Variants in PRKG1 observed in about 807,000 individuals in gnomAD.
The protein encoded by PRKG1 is protein kinase cGMP-dependent 1, also known as cGMP-dependent protein kinase 1.
PRKG1 carries 35 observed loss-of-function variants against 88.1 expected under a neutral mutation model. The ratio of observed to expected loss-of-function variants is 0.40; its 90% confidence interval spans 0.30 to 0.53. PRKG1 has a LOEUF of 0.53. Ranked by LOEUF, PRKG1 falls within the 20% of genes least tolerant of loss-of-function variation. The pLI, the probability that PRKG1 is intolerant of heterozygous loss-of-function variation, is 0.59. For missense variants in PRKG1, 540 were observed against 839.8 expected, an observed-to-expected ratio of 0.64 and a Z score of 4.41; for synonymous variants, 303 against 292.5, an observed-to-expected ratio of 1.04 and a Z score of -0.37.
intron 5 of PRKG1, among the ~76,000 whole-genome samples, chr10:52,030,069 C>G (rs1012941762): frequency 3.3e-5 from 5 of 152,106 alleles, no homozygotes; most frequent in African/African-American, 1.2e-4. Context: ...TGTTTAAATC[C>G]CATCAGAGGC....
At chr10:51,907,430 G>A in intron 4 of PRKG1, 77 bp from the exon 5 acceptor site, 1 of 1,140,922 alleles carries the variant, frequency 8.8e-7, no homozygotes, top group Admixed American at 2.3e-5. Flanking sequence ...ATTTTAATTA[G>A]ATTCATGGTC....
At chr10:51,179,745 A>T (rs1837296153) in intron 2 of PRKG1, among the ~76,000 whole-genome samples, 1 of 152,192 alleles carries the variant, frequency 6.6e-6, no homozygotes, top group Non-Finnish European at 1.5e-5. Flanking sequence ...TATTCAAATG[A>T]TAGCAGTGGA....
intron 9 of PRKG1, among the ~76,000 whole-genome samples, chr10:52,166,797 A>ATATATATATATATATATG (rs1564498359): frequency 4.4e-5 from 1 of 22,686 alleles, no homozygotes; most frequent in African/African-American, 3.3e-4. Flanking sequence ...CTATATATAT[A>ATATATATATATATATATG]CATATATATA....
Position 52,133,912 on chromosome 10 carries a change from A to T in PRKG1, c.1001+7A>T. On this transcript the variant is annotated splice_region_variant and intron_variant, in intron 8 of 17. Coordinates refer to ENST00000373980, the MANE Select transcript of PRKG1 (RefSeq NM_006258.4). Reference sequence around the variant, plus strand: ...GCCTTGTGATTGACAGAGAGTAAGTACATTGTTTTATTATGTGAATTACAC... The same window carrying T: ...GCCTTGTGATTGACAGAGAGTAAGTTCATTGTTTTATTATGTGAATTACAC... The T allele has an allele frequency of 6.2e-7, 1 of 1,609,656 alleles. No homozygotes were observed. The highest frequency in any genetic ancestry group is 8.5e-7 in the Non-Finnish European group (1 of 1,176,414).
At chr10:51,896,554 A>C (rs12220804) in intron 4 of PRKG1, among the ~76,000 whole-genome samples, 72,588 of 150,384 alleles carry the variant, frequency 0.48, 17,721 homozygotes, top group East Asian at 0.63. Flanking sequence ...CAAAAAAATA[A>C]AATAAAAATT....
intron 3 of PRKG1, among the ~76,000 whole-genome samples, chr10:51,619,120 G>A (rs1248978392): frequency 1.3e-5 from 2 of 151,862 alleles, no homozygotes; most frequent in Non-Finnish European, 2.9e-5. Context: ...AGAAAAACCA[G>A]GCTAGAGGTG....
At chr10:51,487,429 C>A (rs1029909461) in intron 3 of PRKG1, among the ~76,000 whole-genome samples, 1 of 151,956 alleles carries the variant, frequency 6.6e-6, no homozygotes, top group African/African-American at 2.4e-5. Flanking sequence ...ACTCTATAGT[C>A]AAATAAATAT....
intron 2 of PRKG1, among the ~76,000 whole-genome samples, chr10:51,435,136 G>C (rs540758690): frequency 6.6e-6 from 1 of 152,124 alleles, no homozygotes; most frequent in African/African-American, 2.4e-5. Flanking sequence ...GAGGAGTTTG[G>C]TATGAAATGT....
chr10:51,939,591 A>C (rs1474022413), intron 5 of PRKG1, among the ~76,000 whole-genome samples: 1 of 131,428 alleles, frequency 7.6e-6, no homozygotes, highest in African/African-American at 2.7e-5. Context: ...TTATAAACTT[A>C]ATTTTTTTTT....
At chr10:52,104,625 A>C (rs1281867123) in intron 7 of PRKG1, among the ~76,000 whole-genome samples, 1 of 152,206 alleles carries the variant, frequency 6.6e-6, no homozygotes, top group Non-Finnish European at 1.5e-5. Flanking sequence ...TACATGGTGC[A>C]AAGAGATGGA....
At chr10:52,070,302 A>G (rs1846464384) in intron 7 of PRKG1, among the ~76,000 whole-genome samples, 1 of 152,110 alleles carries the variant, frequency 6.6e-6, no homozygotes, top group South Asian at 2.1e-4. Context: ...GTTAGGTGTA[A>G]ATATCTAGGT....
At chr10:52,171,584 G>C (rs562310840) in intron 9 of PRKG1, among the ~76,000 whole-genome samples, 1 of 152,164 alleles carries the variant, frequency 6.6e-6, no homozygotes, top group Non-Finnish European at 1.5e-5. Flanking sequence ...CATGTAATCA[G>C]ACTAGGCAGA....
chr10:52,062,846 C>T (rs1201855573), intron 7 of PRKG1: 1 of 712,666 alleles, frequency 1.4e-6, no homozygotes, highest in East Asian at 2.7e-5. Flanking sequence ...TCTAATAAAT[C>T]AGTGTTATAT....
intron 4 of PRKG1, among the ~76,000 whole-genome samples, chr10:51,850,107 T>A (rs1840507678): frequency 6.6e-6 from 1 of 152,250 alleles, no homozygotes; most frequent in Non-Finnish European, 1.5e-5. Context: ...ACTTGTTTTA[T>A]AATCTTGAAG....
chr10:51,192,623 A>G (rs1397129870), intron 2 of PRKG1, among the ~76,000 whole-genome samples: 2 of 152,038 alleles, frequency 1.3e-5, no homozygotes, highest in Non-Finnish European at 2.9e-5. Flanking sequence ...TTGCAATAAA[A>G]GAAAAAAACC....
At chr10:51,266,717 A>G (rs1176926490) in intron 2 of PRKG1, among the ~76,000 whole-genome samples, 1 of 152,220 alleles carries the variant, frequency 6.6e-6, no homozygotes, top group Non-Finnish European at 1.5e-5. Context: ...ACAAAGGTCA[A>G]TGCATAAAGC....
At chr10:51,320,772 T>A (rs953265544) in intron 2 of PRKG1, 2 of 152,200 alleles carry the variant, frequency 1.3e-5, no homozygotes, top group Non-Finnish European at 2.9e-5. Flanking sequence ...AGACATACAA[T>A]AAAAGGCAAA....
chr10:51,676,461 C>CAAAA (rs375581966), intron 3 of PRKG1, among the ~76,000 whole-genome samples: 2 of 92,742 alleles, frequency 2.2e-5, no homozygotes, highest in African/African-American at 3.5e-5. Context: ...CACCAATGCA[C>CAAAA]AAAAAAAAAA....
chr10:52,242,185 C>T (rs1840880659), intron 9 of PRKG1: 3 of 152,178 alleles, frequency 2.0e-5, no homozygotes, highest in South Asian at 2.1e-4. Flanking sequence ...TTAAACCTCA[C>T]CTCTCTGGCC....
Sources: gnomAD v4.1 joint callset for allele counts (sites outside exome capture counted in the v4.1 genomes callset) on GRCh38, gnomAD v4.1.1 for gene constraint, MANE v1.5 for transcripts, NCBI Gene and HGNC (gene_info 2026-07-23, HGNC 2026-07-21) for gene names.